Variants in CYP19A1 observed in about 807,000 individuals in gnomAD.
The protein encoded by CYP19A1 is cytochrome P450 family 19 subfamily A member 1, also known as aromatase.
CYP19A1 carries 32 observed loss-of-function variants against 44.4 expected under a neutral mutation model. The observed-to-expected ratio is 0.72, with a 90% CI of 0.54 to 0.97. CYP19A1 has a LOEUF of 0.97. CYP19A1 is among the 50% of genes least tolerant of loss of function. CYP19A1 has a pLI of 0.00. For missense variants in CYP19A1, 598 were observed against 637.8 expected (o/e 0.94, Z 0.67); for synonymous variants, 212 against 215.6 (o/e 0.98, Z 0.14).
intron 1 of CYP19A1, among the ~76,000 whole-genome samples, chr15:51,311,570 T>C (rs1227855931): frequency 6.6e-6 from 1 of 152,174 alleles, no homozygotes. Flanking sequence ...GAAAAAACAA[T>C]GGCTGAAAAC....
In CYP19A1 at chr15:51,222,476, G is replaced by T. The variant is rs35900050; in HGVS notation, c.501C>A (p.Ser167=). 198 of 1,614,084 alleles carry T rather than the reference G, an allele frequency of 1.2e-4. 2 individuals are homozygous for T. In the East Asian group the frequency reaches 4.3e-3, roughly 35 times the overall value. The change falls in exon 5 of 10, where the codon TCC becomes TCA. Residue 167 remains serine, a synonymous_variant. Transcript: ENST00000396402. ...CCAACCTGTCCAGATGTGTTTTGAG[G>T]GATTCAGCACAGACTGTGACCATAC... ...LVRMVTVCAE[S]LKTHLDRLEE...
chr15:51,254,788 A>T (rs1430128810), intron 1 of CYP19A1, among the ~76,000 whole-genome samples: 1 of 152,204 alleles, frequency 6.6e-6, no homozygotes, highest in African/African-American at 2.4e-5. Context: ...CTAACAATTC[A>T]ATATATACTT....
chr15:51,293,309 C>T, intron 1 of CYP19A1, among the ~76,000 whole-genome samples: 1 of 152,070 alleles, frequency 6.6e-6, no homozygotes, highest in East Asian at 1.9e-4. Flanking sequence ...ATATTGCCAA[C>T]TGTAGAATTT....
At chr15:51,330,952 C>T (rs2036691273) in intron 1 of CYP19A1, among the ~76,000 whole-genome samples, 1 of 152,036 alleles carries the variant, frequency 6.6e-6, no homozygotes, top group Non-Finnish European at 1.5e-5. Flanking sequence ...GCTACATGGC[C>T]GTGACGTGGC....
chr15:51,299,565 A>C (rs1214544510), intron 1 of CYP19A1, among the ~76,000 whole-genome samples: 2 of 152,226 alleles, frequency 1.3e-5, no homozygotes, highest in African/African-American at 4.8e-5. Context: ...CAGCTGCTCA[A>C]ATTCTGTGTT....
chr15:51,268,715 T>C (rs1445386182), intron 1 of CYP19A1, among the ~76,000 whole-genome samples: 1 of 152,236 alleles, frequency 6.6e-6, no homozygotes, highest in African/African-American at 2.4e-5. Context: ...CAGCAGTATA[T>C]GAGAGTTACA....
chr15:51,335,200 G>A (rs1001715252), intron 1 of CYP19A1, among the ~76,000 whole-genome samples: 1 of 152,188 alleles, frequency 6.6e-6, no homozygotes, highest in Non-Finnish European at 1.5e-5. Context: ...TTGCAAAGAA[G>A]GAGAGAAAAC....
intron 8 of CYP19A1, among the ~76,000 whole-genome samples, chr15:51,214,661 A>G (rs2031387338): frequency 6.6e-6 from 1 of 152,220 alleles, no homozygotes; most frequent in South Asian, 2.1e-4. Flanking sequence ...ATATGATCCC[A>G]TGTTTTTGTA....
intron 4 of CYP19A1, among the ~76,000 whole-genome samples, chr15:51,223,593 T>TCTCTCTCACG (rs1356666512): frequency 2.2e-5 from 2 of 90,146 alleles, no homozygotes; most frequent in Non-Finnish European, 4.4e-5. Flanking sequence ...TCTCTCTCTC[T>TCTCTCTCACG]CACACACACA....
chr15:51,220,093 A>C (rs1421662930), intron 5 of CYP19A1, among the ~76,000 whole-genome samples: 2 of 152,190 alleles, frequency 1.3e-5, no homozygotes, highest in African/African-American at 4.8e-5. Flanking sequence ...GTTCCAGTTC[A>C]GCTGGTTGGG....
At chr15:51,217,769 C>G (rs1442050457) in intron 6 of CYP19A1, among the ~76,000 whole-genome samples, 1 of 152,112 alleles carries the variant, frequency 6.6e-6, no homozygotes, top group African/African-American at 2.4e-5. Context: ...ACCTATGCCC[C>G]TACTCTAGAA....
chr15:51,265,246 G>A (rs542169717), intron 1 of CYP19A1, among the ~76,000 whole-genome samples: 8 of 152,286 alleles, frequency 5.3e-5, no homozygotes, highest in South Asian at 2.1e-4. Flanking sequence ...GTCAGACAGC[G>A]TTCCATGTCC....
intron 1 of CYP19A1, among the ~76,000 whole-genome samples, chr15:51,264,291 C>T (rs115735907): frequency 8.5e-5 from 13 of 152,164 alleles, no homozygotes; most frequent in South Asian, 4.2e-4. Flanking sequence ...ACATCACTGA[C>T]GGTGCAGTCA....
intron 2 of CYP19A1, among the ~76,000 whole-genome samples, chr15:51,240,674 C>T (rs2033702478): frequency 6.6e-6 from 1 of 152,196 alleles, no homozygotes; most frequent in Non-Finnish European, 1.5e-5. Flanking sequence ...TGGATTCTAA[C>T]TAGACCTTCT....
chr15:51,253,752 G>T (rs993470100), intron 1 of CYP19A1, among the ~76,000 whole-genome samples: 5 of 152,142 alleles, frequency 3.3e-5, no homozygotes, highest in Non-Finnish European at 5.9e-5. Flanking sequence ...GCAAATGTTT[G>T]GCACACTCTC....
At chr15:51,255,931 G>C (rs914415046) in intron 1 of CYP19A1, among the ~76,000 whole-genome samples, 4 of 152,346 alleles carry the variant, frequency 2.6e-5, no homozygotes, top group East Asian at 1.9e-4. Context: ...TCCTGAAAAT[G>C]ATGGCCCCAG....
chr15:51,271,082 G>T (rs1477590168), intron 1 of CYP19A1, among the ~76,000 whole-genome samples: 1 of 151,826 alleles, frequency 6.6e-6, no homozygotes, highest in African/African-American at 2.4e-5. Context: ...TGCAGAGAAC[G>T]TCTCCTTGGA....
intron 1 of CYP19A1, among the ~76,000 whole-genome samples, chr15:51,278,719 GTCTC>G (rs1166689510): frequency 6.6e-6 from 1 of 152,168 alleles, no homozygotes; most frequent in East Asian, 1.9e-4. Flanking sequence ...TTGGGTAAAA[GTCTC>G]TCTACCTTCT....
At chr15:51,309,791 A>G (rs570121851) in intron 1 of CYP19A1, among the ~76,000 whole-genome samples, 5 of 152,366 alleles carry the variant, frequency 3.3e-5, no homozygotes, top group African/African-American at 1.2e-4. Flanking sequence ...TCAGATCCAC[A>G]AGATGTCTTG....
Sources: allele counts gnomAD v4.1 joint callset (sites outside exome capture counted in the v4.1 genomes callset), GRCh38; gene constraint gnomAD v4.1.1; transcripts MANE v1.5; gene names NCBI Gene and HGNC (gene_info 2026-07-23, HGNC 2026-07-21).